The following PTPRU variants were observed in gnomAD, a reference collection of about 807,000 sequenced individuals.
The protein encoded by PTPRU is protein tyrosine phosphatase receptor type U.
PTPRU carries 69 observed loss-of-function variants against 166.3 expected under a neutral mutation model. The observed-to-expected ratio is 0.41, with a 90% CI of 0.34 to 0.51. The LOEUF (loss-of-function observed/expected upper bound fraction) is 0.51, where lower values mean the gene tolerates loss of function less well. PTPRU is among the 20% of genes least tolerant of loss of function. The pLI, the probability that PTPRU is intolerant of heterozygous loss-of-function variation, is 0.09. For missense variants in PTPRU, 1,657 were observed against 2,013.7 expected, an observed-to-expected ratio of 0.82 and a Z score of 3.39; for synonymous variants, 793 against 814.0, an observed-to-expected ratio of 0.97 and a Z score of 0.44.
Position 29,291,690 on chromosome 1 carries a change from G to A in PTPRU, c.2319-179G>A, listed in dbSNP as rs1177326443. ...CTGCCAAGCCCTTTTCAGGGAAGAA[G>A]CAGCTCTGGGTCTAATGAGTGAAGG... On this transcript the variant is annotated intron_variant, in intron 14 of 29. Transcript: ENST00000373779. The surrounding 1 kb of genome is among the most constrained non-coding windows in gnomAD (Gnocchi z 4.1). Among the ~76,000 whole-genome samples, 1 of 152,208 alleles carries A rather than the reference G, an allele frequency of 6.6e-6. No homozygotes were observed. Among genetic ancestry groups the A allele is most frequent in the Non-Finnish European group, 1.5e-5 (1 of 68,032 alleles).
At chr1:29,308,328 G>A (rs914880672) in intron 18 of PTPRU, among the ~76,000 whole-genome samples, 1 of 149,390 alleles carries the variant, frequency 6.7e-6, no homozygotes, top group Non-Finnish European at 1.5e-5. Context: ...CAGCACTTTG[G>A]GAGGCCAAGG....
chr1:29,246,251 G>A (rs965867163), intron 1 of PTPRU, among the ~76,000 whole-genome samples: 2 of 152,252 alleles, frequency 1.3e-5, no homozygotes, highest in African/African-American at 4.8e-5. Flanking sequence ...CCCCTATGGT[G>A]TCCTGGCCTT....
intron 1 of PTPRU, among the ~76,000 whole-genome samples, chr1:29,253,129 T>C (rs1684629064): frequency 6.6e-6 from 1 of 152,320 alleles, no homozygotes; most frequent in Non-Finnish European, 1.5e-5. Flanking sequence ...AGGATACAGA[T>C]GAAGAGATGC....
At chr1:29,283,905 T>G (rs1288067950) in intron 12 of PTPRU, 35 bp from the exon 13 acceptor site, 1 of 1,613,576 alleles carries the variant, frequency 6.2e-7, no homozygotes. Flanking sequence ...AGGTCGGGGC[T>G]TCAGCAACGC....
chr1:29,298,031 G>A (rs944395675), intron 15 of PTPRU, among the ~76,000 whole-genome samples: 7 of 152,080 alleles, frequency 4.6e-5, no homozygotes, highest in Non-Finnish European at 8.8e-5. Flanking sequence ...GCAGAGGCAG[G>A]CAGATTGCTT....
chr1:29,304,269 ATCTCG>A (rs1456840513), intron 16 of PTPRU, among the ~76,000 whole-genome samples: 5 of 152,004 alleles, frequency 3.3e-5, no homozygotes. Context: ...CTGACCTTGA[ATCTCG>A]TCTCCATCTC....
intron 15 of PTPRU, among the ~76,000 whole-genome samples, chr1:29,302,217 A>G (rs1687169539): frequency 2.1e-5 from 3 of 145,886 alleles, no homozygotes; most frequent in Non-Finnish European, 4.4e-5. Flanking sequence ...TTAAAAAACG[A>G]AAAAAAATTT....
intron 7 of PTPRU, among the ~76,000 whole-genome samples, chr1:29,274,772 C>T (rs537658971): frequency 9.9e-5 from 15 of 151,976 alleles, no homozygotes; most frequent in Non-Finnish European, 1.6e-4. Flanking sequence ...AATTATTGGC[C>T]GGGTGCGGTG....
rs1476889656 is a variant in PTPRU, at chr1:29,238,480, C to G, written c.73+1763C>G. On this transcript the variant is annotated intron_variant, in intron 1 of 29. Coordinates refer to ENST00000373779, the MANE Select transcript of PTPRU (RefSeq NM_133178.4). The surrounding 1 kb of genome is among the most constrained non-coding windows in gnomAD (Gnocchi z 6.1). ...GAGCCGCTTCCTCACGGTCGCCAGC[C>G]GCAGACAACTGACCTCCCCGGCATC... is the stretch of plus-strand genomic sequence containing the variant. 6.6e-6 allele frequency among the ~76,000 whole-genome samples: 1 copy of G among 152,176 alleles called. No individual in the cohort carries two copies. The highest frequency in any genetic ancestry group is 1.5e-5 in the Non-Finnish European group (1 of 68,022).
chr1:29,282,629 G>GT, intron 11 of PTPRU, 47 bp from the exon 12 acceptor site: 1 of 1,570,430 alleles, frequency 6.4e-7, no homozygotes, highest in Non-Finnish European at 8.6e-7. Flanking sequence ...GGCTCTCCCA[G>GT]TCCTCTGGCC....
chr1:29,286,294 G>A (rs1052431654), intron 14 of PTPRU, among the ~76,000 whole-genome samples: 4 of 152,212 alleles, frequency 2.6e-5, no homozygotes, highest in Non-Finnish European at 4.4e-5. Context: ...TGTGCCAGGA[G>A]CTTCACACAC....
chr1:29,277,334 C>G (rs868562357), intron 8 of PTPRU, among the ~76,000 whole-genome samples: 1 of 152,168 alleles, frequency 6.6e-6, no homozygotes, highest in Admixed American at 6.5e-5. Flanking sequence ...CTCCTGACCT[C>G]AGGTGATCTG....
intron 7 of PTPRU, among the ~76,000 whole-genome samples, chr1:29,263,489 A>T (rs1685160606): frequency 6.6e-6 from 1 of 152,152 alleles, no homozygotes; most frequent in Non-Finnish European, 1.5e-5. Context: ...AGGTTTTTAT[A>T]TTGATATATG....
intron 1 of PTPRU, among the ~76,000 whole-genome samples, chr1:29,252,668 T>C (rs186168169): frequency 2.4e-4 from 36 of 152,284 alleles, no homozygotes; most frequent in Admixed American, 1.8e-3. Context: ...GTGAAGTCGC[T>C]TGCTGCGTGT....
At chr1:29,302,827 G>A (rs1484404846) in intron 15 of PTPRU, among the ~76,000 whole-genome samples, 1 of 152,124 alleles carries the variant, frequency 6.6e-6, no homozygotes, top group Non-Finnish European at 1.5e-5. Flanking sequence ...GGGATTACAG[G>A]TTTGAGCCAC....
chr1:29,284,964 T>A, intron 14 of PTPRU, 95 bp downstream of exon 14: 1 of 1,477,358 alleles, frequency 6.8e-7, no homozygotes, highest in African/African-American at 1.4e-5. Context: ...GTAGGGCAGC[T>A]GTCCTGCAGG....
In PTPRU at chr1:29,260,974, G is replaced by A; in HGVS notation, c.1144+71G>A. On this transcript the variant is annotated intron_variant, in intron 7 of 29. Coordinates refer to ENST00000373779, the MANE Select transcript of PTPRU (RefSeq NM_133178.4). This position sits in a 1 kb window ranked among gnomAD's most constrained non-coding sequence, Gnocchi z 8.3. Reference sequence around the variant, plus strand: ...GGCTATGGAGGGGCGCATTCGAGAGGTAGCGTGGCCTGTGCTTGTAAACCT... The same window carrying A: ...GGCTATGGAGGGGCGCATTCGAGAGATAGCGTGGCCTGTGCTTGTAAACCT... 7.0e-7 allele frequency: 1 copy of A among 1,437,488 alleles called. No homozygotes were observed. Among genetic ancestry groups the A allele is most frequent in the Non-Finnish European group, 9.1e-7 (1 of 1,096,368 alleles). 89.0% of individuals were successfully genotyped at this position (1,437,488 alleles called of 1,614,324 possible). A position where few individuals can be genotyped will look rare whatever the true frequency, so the allele number is the denominator to read the frequency against.
chr1:29,248,717 C>T (rs1459993601), intron 1 of PTPRU, among the ~76,000 whole-genome samples: 1 of 152,162 alleles, frequency 6.6e-6, no homozygotes, highest in East Asian at 1.9e-4. Context: ...CTTGTGTTCA[C>T]ACTGACACAT....
chr1:29,259,359 T>G lies in PTPRU; in HGVS notation c.559+17T>G, dbSNP rs1684919619. 6.2e-7 allele frequency: 1 copy of G among 1,612,842 alleles called. No individual in the cohort carries two copies. ...ACCCCTGCGGTGAGTCCCAGCCCAC[T>G]GGGGGCGCAGGGGTAAGGGGTGTGG... On this transcript the variant is annotated intron_variant, in intron 4 of 29. Coordinates refer to ENST00000373779, the MANE Select transcript of PTPRU (RefSeq NM_133178.4).
Sources: allele counts gnomAD v4.1 joint callset (sites outside exome capture counted in the v4.1 genomes callset), GRCh38; gene constraint gnomAD v4.1.1; non-coding constraint Gnocchi (gnomAD v3.1); transcripts MANE v1.5; gene names NCBI Gene and HGNC (gene_info 2026-07-23, HGNC 2026-07-21).